Variants in NLRP8 observed in about 807,000 individuals in gnomAD.
The protein encoded by NLRP8 is NLR family pyrin domain containing 8, also known as NACHT, LRR and PYD domains-containing protein 8.
NLRP8 carries 86 observed loss-of-function variants against 88.7 expected under a neutral mutation model. The observed-to-expected ratio is 0.97, with a 90% confidence interval of 0.81 to 1.16. The LOEUF (loss-of-function observed/expected upper bound fraction) is 1.16. NLRP8 is among the 50% of genes most tolerant of loss of function. The pLI is 0.00. For synonymous variants in NLRP8, 504 were observed against 494.6 expected (o/e 1.02, Z -0.25); for missense variants, 1,342 against 1,286.5 (o/e 1.04, Z -0.66).
At chr19:55,965,103 T>C (rs1219647803) in intron 4 of NLRP8, among the ~76,000 whole-genome samples, 2 of 151,880 alleles carry the variant, frequency 1.3e-5, no homozygotes, top group African/African-American at 2.4e-5. Context: ...CTGGACAACA[T>C]AGTGAGACCC....
chr19:55,977,368 T>C (rs1007680744), intron 8 of NLRP8, among the ~76,000 whole-genome samples: 4 of 144,290 alleles, frequency 2.8e-5, no homozygotes, highest in Non-Finnish European at 6.0e-5. Context: ...TATATATAAG[T>C]ATATATAAAT....
intron 5 of NLRP8, among the ~76,000 whole-genome samples, chr19:55,967,610 A>G (rs569450801): frequency 1.3e-5 from 2 of 150,288 alleles, no homozygotes; most frequent in South Asian, 4.3e-4. Context: ...ATGGACACTT[A>G]GGTTGTTTCT....
chr19:55,967,987 C>G (rs1177802964), intron 5 of NLRP8, among the ~76,000 whole-genome samples: 1 of 152,222 alleles, frequency 6.6e-6, no homozygotes, highest in Non-Finnish European at 1.5e-5. Flanking sequence ...CATGATGACT[C>G]CATTCTGCCA....
intron 5 of NLRP8, 126 bp from the exon 6 acceptor site, chr19:55,970,418 A>G: frequency 2.6e-6 from 3 of 1,137,652 alleles, no homozygotes; most frequent in South Asian, 3.5e-5. Context: ...GCTGGCCGGA[A>G]AGTTGGAAAT....
At chr19:55,962,705 A>G in intron 4 of NLRP8, among the ~76,000 whole-genome samples, 1 of 152,180 alleles carries the variant, frequency 6.6e-6, no homozygotes. Flanking sequence ...ACCCGAGCCC[A>G]GGAGGCAGAG....
At chr19:55,981,374 T>C (rs906504151) in intron 9 of NLRP8, among the ~76,000 whole-genome samples, 5 of 152,198 alleles carry the variant, frequency 3.3e-5, no homozygotes, top group Non-Finnish European at 7.3e-5. Context: ...TGTCATGTGT[T>C]AACACATAGA....
intron 2 of NLRP8, 62 bp downstream of exon 2, chr19:55,952,674 C>T: frequency 7.3e-7 from 1 of 1,364,608 alleles, no homozygotes. Context: ...GGATGAGCTG[C>T]TCAGTTGCTA....
chr19:55,966,157 G>T, intron 4 of NLRP8, 56 bp from the exon 5 acceptor site: 1 of 1,559,152 alleles, frequency 6.4e-7, no homozygotes, highest in South Asian at 1.2e-5. Flanking sequence ...TGAGGCCACA[G>T]AATTCTACGA....
At chr19:55,952,741 C>A in intron 2 of NLRP8, 129 bp downstream of exon 2, 1 of 678,516 alleles carries the variant, frequency 1.5e-6, no homozygotes, top group Non-Finnish European at 2.6e-6. Flanking sequence ...TCAGAACCAA[C>A]ATGGCGAAAC....
At chr19:55,967,904 C>T (rs961738330) in intron 5 of NLRP8, among the ~76,000 whole-genome samples, 1 of 152,170 alleles carries the variant, frequency 6.6e-6, no homozygotes, top group African/African-American at 2.4e-5. Flanking sequence ...ATTATCACTG[C>T]TAGGGTGCAG....
rs777599633 is a variant in NLRP8, at chr19:55,979,409, G to A, written c.2892G>A (p.Leu964=). Residue 964 remains leucine, a synonymous_variant, in exon 9 of 10, where the codon CTG becomes CTA. Transcript: ENST00000291971. ...TGTGTCACAGGCTGGAAAACTGCCT[G>A]TTCACCTCCATCTGCTGCCAGGCCA... 1 of 1,613,838 alleles carries A rather than the reference G, an allele frequency of 6.2e-7. No individual in the cohort carries two copies. Among genetic ancestry groups the A allele is most frequent in the Non-Finnish European group, 8.5e-7 (1 of 1,180,024 alleles).
chr19:55,969,125 AG>A (rs1979966283), intron 5 of NLRP8, among the ~76,000 whole-genome samples: 1 of 152,190 alleles, frequency 6.6e-6, no homozygotes, highest in Non-Finnish European at 1.5e-5. Context: ...TTATATTCAT[AG>A]GTTTTAGGGT....
chr19:55,954,018 G>T (rs1295483452), intron 2 of NLRP8, among the ~76,000 whole-genome samples: 1 of 151,478 alleles, frequency 6.6e-6, no homozygotes, highest in Non-Finnish European at 1.5e-5. Context: ...AGCCAGGCTG[G>T]TCTTGAACTC....
rs751813718 is a variant in NLRP8 at position 55,955,225 on chromosome 19, C to T, written c.1167C>T (p.Leu389=). Residue 389 remains leucine, a synonymous_variant, in exon 3 of 10, where the codon CTC becomes CTT. Coordinates refer to ENST00000291971, the MANE Select transcript of NLRP8 (RefSeq NM_176811.2). ...GTTTCGCCATGGAAAACACCATTCT[C>T]TTCTCCATGTGCCGGGTCCCTGTGG... The T allele has an allele frequency of 1.9e-6, 3 of 1,614,176 alleles. No individual in the cohort carries two copies. Among genetic ancestry groups the T allele is most frequent in the Non-Finnish European group, 2.5e-6 (3 of 1,180,044 alleles).
At position 55,970,647 on chromosome 19, in the gene NLRP8, G is replaced by T; in HGVS notation, c.2485G>T (p.Glu829Ter). Reference sequence around the variant, plus strand: ...TCTCATACTAAGAAAAAACTCCCTGGAGAACTGTGGGGCGTATTACCTGTC... The same window carrying T: ...TCTCATACTAAGAAAAAACTCCCTGTAGAACTGTGGGGCGTATTACCTGTC... The change falls in exon 6 of 10, where the codon GAG becomes TAG. Residue 829 changes from glutamate to a stop codon, truncating the protein, a stop_gained. Coordinates refer to ENST00000291971, the MANE Select transcript of NLRP8 (RefSeq NM_176811.2). LOFTEE classifies it high-confidence loss of function. The T allele has an allele frequency of 1.2e-6, 2 of 1,614,064 alleles. No homozygotes were observed. The highest frequency in any genetic ancestry group is 8.5e-7 in the Non-Finnish European group (1 of 1,180,024).
chr19:55,985,131 G>A (rs750924854), intron 9 of NLRP8, among the ~76,000 whole-genome samples: 10 of 151,980 alleles, frequency 6.6e-5, no homozygotes, highest in African/African-American at 2.2e-4. Flanking sequence ...GTGAAACCCC[G>A]TCTCTACTAA....
At chr19:55,966,741 G>A (rs564304651) in intron 5 of NLRP8, among the ~76,000 whole-genome samples, 2 of 152,162 alleles carry the variant, frequency 1.3e-5, no homozygotes, top group East Asian at 1.9e-4. Context: ...GCTTCAGCCC[G>A]GTAGGTGGTG....
At chr19:55,967,783 A>G (rs578161325) in intron 5 of NLRP8, among the ~76,000 whole-genome samples, 1 of 152,390 alleles carries the variant, frequency 6.6e-6, no homozygotes, top group East Asian at 1.9e-4. Context: ...TTCATGAGCC[A>G]GTTGTTAAAC....
At chr19:55,982,996 T>C (rs1389190413) in intron 9 of NLRP8, among the ~76,000 whole-genome samples, 4 of 152,026 alleles carry the variant, frequency 2.6e-5, no homozygotes, top group Non-Finnish European at 4.4e-5. Flanking sequence ...AGGAGCCTGA[T>C]TGAATGAGTT....
Sources: allele counts gnomAD v4.1 joint callset (sites outside exome capture counted in the v4.1 genomes callset), GRCh38; gene constraint gnomAD v4.1.1; transcripts MANE v1.5; gene names NCBI Gene and HGNC (gene_info 2026-07-23, HGNC 2026-07-21).